Variants in NRG1 observed in about 807,000 individuals in gnomAD.
The protein encoded by NRG1 is pro-neuregulin-1, membrane-bound isoform.
In NRG1, 18 loss-of-function variants were observed where a neutral mutation model predicts 63.8. The observed-to-expected ratio is 0.28, with a 90% CI of 0.19 to 0.42. NRG1 has a LOEUF of 0.42. Among genes scored for constraint, NRG1 ranks in the 10% least tolerant of loss-of-function variants. The probability of loss-of-function intolerance (pLI) is 1.00; values close to 1 mark genes in which losing one functional copy is unlikely to be tolerated. For missense variants in NRG1, 762 were observed against 814.7 expected, an observed-to-expected ratio of 0.94 and a Z score of 0.79; for synonymous variants, 302 against 301.3, an observed-to-expected ratio of 1.00 and a Z score of -0.02.
intron 1 of NRG1, among the ~76,000 whole-genome samples, chr8:31,660,384 T>C (rs1805866411): frequency 6.6e-6 from 1 of 152,222 alleles, no homozygotes; most frequent in African/African-American, 2.4e-5. Flanking sequence ...CAGGGAAATC[T>C]CTAGGGAAGA....
chr8:31,896,088 A>G (rs1054812559), intron 1 of NRG1, among the ~76,000 whole-genome samples: 1 of 152,178 alleles, frequency 6.6e-6, no homozygotes, highest in Admixed American at 6.5e-5. Flanking sequence ...TTTCCCAGGC[A>G]ACCCAGCCAG....
chr8:31,914,484 C>T (rs1378524572), intron 1 of NRG1, among the ~76,000 whole-genome samples: 1 of 150,816 alleles, frequency 6.6e-6, no homozygotes, highest in Non-Finnish European at 1.5e-5. Flanking sequence ...TTTTGGAAGT[C>T]ACTAGATATA....
At chr8:32,064,407 G>A (rs910921297) in intron 1 of NRG1, among the ~76,000 whole-genome samples, 2 of 152,074 alleles carry the variant, frequency 1.3e-5, no homozygotes, top group African/African-American at 4.8e-5. Flanking sequence ...CCTAGACTGT[G>A]ATTTGACTGG....
chr8:32,294,079 G>A (rs1184272257), intron 1 of NRG1, among the ~76,000 whole-genome samples: 1 of 151,950 alleles, frequency 6.6e-6, no homozygotes, highest in Non-Finnish European at 1.5e-5. Context: ...TGCCTGTCAA[G>A]CCCAAATCCC....
At chr8:32,595,186 TA>T (rs766643612) in intron 1 of NRG1, among the ~76,000 whole-genome samples, 1 of 152,108 alleles carries the variant, frequency 6.6e-6, no homozygotes, top group Non-Finnish European at 1.5e-5. Context: ...TTTTATTTTT[TA>T]TTTTTTTTTA....
chr8:32,114,955 C>T (rs758689993), intron 1 of NRG1, among the ~76,000 whole-genome samples: 2 of 152,096 alleles, frequency 1.3e-5, no homozygotes, highest in African/African-American at 4.8e-5. Context: ...AACACTTACA[C>T]AGTATCCTTA....
rs1821466636 is a variant in NRG1, at chr8:31,798,660, CAT to C, written c.37+159232_37+159233del. ...TACAGAATATGTGCAATTTAAGTGT[CAT>C]ATGTACATAATAAGATGTAATCTTT... On this transcript the variant is annotated intron_variant, in intron 1 of 10. Transcript: ENST00000519301. Among the ~76,000 whole-genome samples, 4 of 152,170 alleles carry C rather than the reference CAT, an allele frequency of 2.6e-5. No individual in the cohort carries two copies. In the South Asian group the frequency reaches 8.3e-4, roughly 32 times the overall value.
At chr8:32,680,169 T>C (rs1247357425) in intron 5 of NRG1, among the ~76,000 whole-genome samples, 3 of 152,176 alleles carry the variant, frequency 2.0e-5, no homozygotes, top group Non-Finnish European at 4.4e-5. Context: ...TGATGGCTGG[T>C]TGACTAGAAA....
chr8:31,686,174 G>A (rs1353155253), intron 1 of NRG1, among the ~76,000 whole-genome samples: 2 of 152,020 alleles, frequency 1.3e-5, no homozygotes, highest in Non-Finnish European at 2.9e-5. Flanking sequence ...TGTTTGTCAA[G>A]GATTTTACAT....
At chr8:31,936,059 G>A (rs1054795503) in intron 1 of NRG1, among the ~76,000 whole-genome samples, 1 of 152,130 alleles carries the variant, frequency 6.6e-6, no homozygotes, top group Non-Finnish European at 1.5e-5. Context: ...TGGAAAGGCA[G>A]CAGTCACGGT....
chr8:32,556,587 G>C (rs1316884121), intron 1 of NRG1, among the ~76,000 whole-genome samples: 1 of 152,042 alleles, frequency 6.6e-6, no homozygotes, highest in Non-Finnish European at 1.5e-5. Flanking sequence ...GGAGTAATAT[G>C]AAAAAAGGAA....
At chr8:32,768,534 T>C (rs1328600384), downstream of NRG1, among the ~76,000 whole-genome samples, 3 of 152,174 alleles carry the variant, frequency 2.0e-5, no homozygotes, top group East Asian at 5.8e-4. Flanking sequence ...TCATTCCCCT[T>C]ATTCTGTCAA....
intron 1 of NRG1, among the ~76,000 whole-genome samples, chr8:32,520,682 C>A (rs1830256051): frequency 6.6e-6 from 1 of 152,180 alleles, no homozygotes; most frequent in South Asian, 2.1e-4. Flanking sequence ...CAGTAGTCCC[C>A]CCTTCTTTAC....
At chr8:31,762,770 GA>G (rs1677729183) in intron 1 of NRG1, among the ~76,000 whole-genome samples, 1 of 151,856 alleles carries the variant, frequency 6.6e-6, no homozygotes, top group South Asian at 2.1e-4. Flanking sequence ...AAATATTTAA[GA>G]AAAAAAGATA....
intron 1 of NRG1, among the ~76,000 whole-genome samples, chr8:32,019,970 A>G (rs1365229796): frequency 1.3e-5 from 2 of 152,158 alleles, no homozygotes; most frequent in Non-Finnish European, 2.9e-5. Context: ...GTTATTGTAC[A>G]TTATTTCCAT....
chr8:32,292,447 T>G (rs544789619), intron 1 of NRG1, among the ~76,000 whole-genome samples: 1 of 152,238 alleles, frequency 6.6e-6, no homozygotes, highest in African/African-American at 2.4e-5. Flanking sequence ...AAACTGACGG[T>G]TTGGAACATC....
intron 1 of NRG1, among the ~76,000 whole-genome samples, chr8:32,025,668 G>T (rs1360787782): frequency 6.6e-6 from 1 of 151,764 alleles, no homozygotes; most frequent in African/African-American, 2.4e-5. Flanking sequence ...TCATAAAAGT[G>T]GAGGCACAGT....
rs190955936 is a variant in NRG1 at position 32,687,279 on chromosome 8, C to T, written c.503-40670C>T. ...TCTGGTATCATCTGTGGGAATTTTA[C>T]ACAAACTATTTTAGGAGGAAGGTGG... On this transcript the variant is annotated intron_variant, in intron 5 of 11. Transcript: ENST00000356819. Among the ~76,000 whole-genome samples, 351 of 152,248 alleles carry T rather than the reference C, an allele frequency of 2.3e-3. 1 individual carries two copies. The highest frequency in any genetic ancestry group is 8.1e-3 in the African/African-American group (337 of 41,524).
At chr8:32,569,536 T>G (rs1463646283) in intron 1 of NRG1, among the ~76,000 whole-genome samples, 1 of 152,212 alleles carries the variant, frequency 6.6e-6, no homozygotes, top group Non-Finnish European at 1.5e-5. Flanking sequence ...GATTATATAG[T>G]AGACTTATAC....
Sources: allele counts gnomAD v4.1 joint callset (sites outside exome capture counted in the v4.1 genomes callset), GRCh38; gene constraint gnomAD v4.1.1; transcripts MANE v1.5; gene names NCBI Gene and HGNC (gene_info 2026-07-23, HGNC 2026-07-21).